PPP2R2B: variants seen among roughly 807,000 people sequenced by gnomAD.
PPP2R2B encodes protein phosphatase 2 regulatory subunit Bbeta.
Under a neutral mutation model 46.0 loss-of-function variants are expected in PPP2R2B, and 5 were observed. The ratio of observed to expected loss-of-function variants is 0.11; its 90% CI spans 0.06 to 0.23. The LOEUF (loss-of-function observed/expected upper bound fraction) is 0.23, where lower values mean the gene tolerates loss of function less well. PPP2R2B is among the 10% of genes least tolerant of loss of function. The pLI, the probability that PPP2R2B is intolerant of heterozygous loss-of-function variation, is 1.00. For missense variants in PPP2R2B, 367 were observed against 575.0 expected (o/e 0.64, Z 3.70); for synonymous variants, 215 against 206.7 (o/e 1.04, Z -0.34).
At chr5:146,995,940 G>C (rs2151865564) in intron 1 of PPP2R2B, among the ~76,000 whole-genome samples, 1 of 152,290 alleles carries the variant, frequency 6.6e-6, no homozygotes, top group Non-Finnish European at 1.5e-5. Flanking sequence ...GATATGCCAT[G>C]CTTCAATTTG....
chr5:146,809,150 G>A (rs1757376026), intron 2 of PPP2R2B, among the ~76,000 whole-genome samples: 1 of 152,136 alleles, frequency 6.6e-6, no homozygotes, highest in African/African-American at 2.4e-5. Flanking sequence ...GACCTGCTGA[G>A]ACAGAATGAC....
At chr5:146,889,174 C>A (rs1194804157) in intron 1 of PPP2R2B, among the ~76,000 whole-genome samples, 4 of 152,160 alleles carry the variant, frequency 2.6e-5, no homozygotes, top group African/African-American at 7.2e-5. Context: ...AATTAATGAA[C>A]AACAAACCTA....
chr5:146,929,868 G>A (rs2151821014), intron 1 of PPP2R2B, among the ~76,000 whole-genome samples: 1 of 152,200 alleles, frequency 6.6e-6, no homozygotes, highest in South Asian at 2.1e-4. Context: ...TTACAGGTTT[G>A]GGGTTAGAAT....
chr5:146,877,671 C>A (rs766701257), intron 2 of PPP2R2B, among the ~76,000 whole-genome samples: 76 of 152,178 alleles, frequency 5.0e-4, no homozygotes, highest in Non-Finnish European at 8.7e-4. Flanking sequence ...TTATCTCCCC[C>A]CAAGACCCCT....
In PPP2R2B at chr5:146,939,750, T is replaced by C. The variant is rs1016547009; in HGVS notation, c.79+115915A>G. On this transcript the variant is annotated intron_variant, in intron 1 of 8. Transcript: ENST00000336640. ...TGTATTTTATCCCCAAATTAGTGAG[T>C]TGCCTTTTTGACATTTTTTTCAAGG... 1.4e-4 allele frequency among the ~76,000 whole-genome samples: 21 copies of C among 152,200 alleles called. 1 individual carries two copies. Among genetic ancestry groups the C allele is most frequent in the Admixed American group, 1.3e-3 (20 of 15,280 alleles).
intron 1 of PPP2R2B, among the ~76,000 whole-genome samples, chr5:146,998,616 C>T (rs1196695823): frequency 6.6e-6 from 1 of 152,140 alleles, no homozygotes; most frequent in African/African-American, 2.4e-5. Flanking sequence ...AGTCAAGTCT[C>T]CTTTGGAAAA....
chr5:146,789,487 G>T (rs939820509), intron 2 of PPP2R2B, among the ~76,000 whole-genome samples: 1 of 152,072 alleles, frequency 6.6e-6, no homozygotes, highest in Non-Finnish European at 1.5e-5. Context: ...AACAGCCAAA[G>T]AAATAAAACC....
chr5:146,930,866 C>T (rs751053920), intron 1 of PPP2R2B, among the ~76,000 whole-genome samples: 1 of 152,100 alleles, frequency 6.6e-6, no homozygotes, highest in Non-Finnish European at 1.5e-5. Context: ...AATGCAGAGA[C>T]TAGTCTCTTG....
At chr5:146,794,787 A>G (rs754866271) in intron 2 of PPP2R2B, among the ~76,000 whole-genome samples, 31 of 152,146 alleles carry the variant, frequency 2.0e-4, no homozygotes, top group Non-Finnish European at 4.3e-4. Flanking sequence ...AATTGTCTCT[A>G]TTTTAGTGAT....
intron 1 of PPP2R2B, among the ~76,000 whole-genome samples, chr5:146,898,167 A>G (rs1327554056): frequency 6.6e-6 from 1 of 152,220 alleles, no homozygotes; most frequent in African/African-American, 2.4e-5. Flanking sequence ...CCTGGGCGAC[A>G]AGAGTGAGAC....
intron 2 of PPP2R2B, among the ~76,000 whole-genome samples, chr5:146,846,055 AT>A (rs926764060): frequency 6.6e-6 from 1 of 152,208 alleles, no homozygotes; most frequent in African/African-American, 2.4e-5. Flanking sequence ...TTAAAATAAT[AT>A]TTTTGATACA....
chr5:146,704,968 G>C (rs1779751415), intron 2 of PPP2R2B, among the ~76,000 whole-genome samples: 1 of 152,136 alleles, frequency 6.6e-6, no homozygotes, highest in African/African-American at 2.4e-5. Context: ...CAGGCACCTG[G>C]ATTATTAGGT....
intron 2 of PPP2R2B, among the ~76,000 whole-genome samples, chr5:146,760,171 T>C (rs1032262299): frequency 1.3e-5 from 2 of 152,228 alleles, no homozygotes; most frequent in African/African-American, 4.8e-5. Flanking sequence ...CAATAATTAC[T>C]ATTTATTGAG....
intron 5 of PPP2R2B, among the ~76,000 whole-genome samples, chr5:146,677,320 C>T (rs766348324): frequency 2.0e-5 from 3 of 152,080 alleles, no homozygotes; most frequent in Non-Finnish European, 2.9e-5. Flanking sequence ...AGTGAGATCA[C>T]AGAGTAGAGA....
chr5:146,809,791 A>G, intron 2 of PPP2R2B, among the ~76,000 whole-genome samples: 1 of 152,218 alleles, frequency 6.6e-6, no homozygotes, highest in East Asian at 1.9e-4. Context: ...CTCTAGCTAA[A>G]GTGTGAAGAA....
intron 2 of PPP2R2B, among the ~76,000 whole-genome samples, chr5:146,852,074 AAAAATT>A (rs1167044899): frequency 1.3e-5 from 2 of 152,152 alleles, no homozygotes; most frequent in African/African-American, 4.8e-5. Flanking sequence ...GCTGAAAGAA[AAAAATT>A]AAAATTAAAG....
intron 1 of PPP2R2B, among the ~76,000 whole-genome samples, chr5:146,987,015 G>GA (rs1341227099): frequency 1.3e-5 from 2 of 152,072 alleles, no homozygotes; most frequent in Non-Finnish European, 1.5e-5. Flanking sequence ...CAAGAGAAAA[G>GA]AAGAAAACAA....
chr5:147,040,930 A>G (rs1414150432), intron 1 of PPP2R2B: 3 of 373,454 alleles, frequency 8.0e-6, no homozygotes, highest in Middle Eastern at 9.1e-4. Flanking sequence ...TGCCAAGTGA[A>G]AGGTAGTCGA....
At chr5:146,788,648 T>C (rs946446898) in intron 2 of PPP2R2B, among the ~76,000 whole-genome samples, 1 of 152,136 alleles carries the variant, frequency 6.6e-6, no homozygotes, top group Non-Finnish European at 1.5e-5. Context: ...AGAGAATCCC[T>C]TGAACCCAGG....
Sources: gnomAD v4.1 joint callset for allele counts (sites outside exome capture counted in the v4.1 genomes callset) on GRCh38, gnomAD v4.1.1 for gene constraint, MANE v1.5 for transcripts, NCBI Gene and HGNC (gene_info 2026-07-23, HGNC 2026-07-21) for gene names.